OSMR: variants seen among roughly 807,000 people sequenced by gnomAD.
OSMR encodes the protein oncostatin M receptor.
In OSMR, 81 loss-of-function variants were observed where a neutral mutation model predicts 99.9. The ratio of observed to expected loss-of-function variants is 0.81; its 90% CI spans 0.68 to 0.97. The LOEUF (loss-of-function observed/expected upper bound fraction) is 0.97. Ranked by LOEUF, OSMR falls within the 50% of genes least tolerant of loss-of-function variation. The probability of loss-of-function intolerance (pLI) is 0.00; values close to 1 mark genes in which losing one functional copy is unlikely to be tolerated. For synonymous variants in OSMR, 406 were observed against 410.4 expected, an observed-to-expected ratio of 0.99 and a Z score of 0.13; for missense variants, 1,099 against 1,153.4, an observed-to-expected ratio of 0.95 and a Z score of 0.68.
chr5:38,876,505 T>A (rs1742852523), intron 3 of OSMR, 132 bp downstream of exon 3: 1 of 739,576 alleles, frequency 1.4e-6, no homozygotes, highest in African/African-American at 1.8e-5. Flanking sequence ...GTCTAAACAA[T>A]TACATTTCTG....
At chr5:38,886,004 C>T (rs765823571) in intron 6 of OSMR, 35 bp from the exon 7 acceptor site, 23 of 1,609,990 alleles carry the variant, frequency 1.4e-5, no homozygotes, top group East Asian at 2.2e-5. Flanking sequence ...GTAAAAACCT[C>T]GTAATGGTTG....
Position 38,853,967 on chromosome 5 carries a change from G to A in OSMR, c.-14+7580G>A, listed in dbSNP as rs79996443. On this transcript the variant is annotated intron_variant, in intron 1 of 17. Transcript: ENST00000274276. Reference sequence around the variant, plus strand: ...AGGAAGGGAATTGGAGTGAACACTTGTAAGTAATCAACCCTATGCTGTAAG... The same window carrying A: ...AGGAAGGGAATTGGAGTGAACACTTATAAGTAATCAACCCTATGCTGTAAG... 2.2e-4 allele frequency among the ~76,000 whole-genome samples: 33 copies of A among 151,626 alleles called. No homozygotes were observed. The East Asian group carries it at 5.8e-3, about 27-fold the overall frequency.
intron 7 of OSMR, among the ~76,000 whole-genome samples, chr5:38,887,531 A>G (rs1241875361): frequency 1.3e-5 from 2 of 152,162 alleles, no homozygotes; most frequent in African/African-American, 4.8e-5. Flanking sequence ...AGAGTTCTGG[A>G]TTCTTAATTC....
At chr5:38,866,719 G>T (rs940276877) in intron 1 of OSMR, among the ~76,000 whole-genome samples, 2 of 152,110 alleles carry the variant, frequency 1.3e-5, no homozygotes, top group African/African-American at 4.8e-5. Flanking sequence ...GCTGATGAGA[G>T]GGAGGGGGCG....
At chr5:38,944,461 T>G in intron 2 of OSMR, 1 of 1,607,970 alleles carries the variant, frequency 6.2e-7, no homozygotes, top group Non-Finnish European at 8.5e-7. Flanking sequence ...AAGCCCAGTC[T>G]CATGACATTT....
chr5:38,932,236 T>C (rs572930438), intron 16 of OSMR, among the ~76,000 whole-genome samples: 3 of 152,338 alleles, frequency 2.0e-5, no homozygotes, highest in Non-Finnish European at 4.4e-5. Flanking sequence ...TGTTTGGCAA[T>C]GTTCTAAGTG....
chr5:38,902,664 T>C (rs1744971284), intron 7 of OSMR, among the ~76,000 whole-genome samples: 1 of 152,194 alleles, frequency 6.6e-6, no homozygotes, highest in Non-Finnish European at 1.5e-5. Flanking sequence ...AGTGTCCCTT[T>C]ATCCAACAAA....
At chr5:38,860,576 C>A (rs1208862945) in intron 1 of OSMR, among the ~76,000 whole-genome samples, 1 of 151,876 alleles carries the variant, frequency 6.6e-6, no homozygotes. Flanking sequence ...GTAATGTGAG[C>A]CTTGTAGAAT....
At chr5:38,873,137 T>C (rs1742523148) in intron 2 of OSMR, among the ~76,000 whole-genome samples, 1 of 152,254 alleles carries the variant, frequency 6.6e-6, no homozygotes, top group Admixed American at 6.5e-5. Context: ...CAGTCTACTT[T>C]CTGTCTCTAT....
At chr5:38,851,904 C>G (rs1213827205) in intron 1 of OSMR, among the ~76,000 whole-genome samples, 2 of 152,192 alleles carry the variant, frequency 1.3e-5, no homozygotes, top group Admixed American at 6.5e-5. Context: ...ACCACTTTCA[C>G]TTGGCTCTCA....
intron 1 of OSMR, among the ~76,000 whole-genome samples, chr5:38,860,138 T>C (rs1281216329): frequency 6.6e-6 from 1 of 152,254 alleles, no homozygotes; most frequent in African/African-American, 2.4e-5. Context: ...GGCATCCTTT[T>C]CTCATTCCAA....
At chr5:38,886,460 C>T in intron 7 of OSMR, 2 of 722,186 alleles carry the variant, frequency 2.8e-6, no homozygotes, top group Non-Finnish European at 3.9e-6. Flanking sequence ...ATATCTCATC[C>T]TGTAACGCCC....
In OSMR at chr5:38,881,612, T is replaced by G; in HGVS notation, c.266T>G (p.Val89Gly). The change falls in exon 4 of 18, where the codon GTG becomes GGG. Residue 89 changes from valine (V) to glycine (G), a missense_variant. Physicochemically the swap from Val to Gly is moderately radical, Grantham distance 109. Coordinates refer to ENST00000274276, the MANE Select transcript of OSMR (RefSeq NM_003999.3). ...VIWVGNYSTT[V>G]KWNQVLHWSW... is the part of the protein sequence containing the mutation. ...TTTTAGGGGAATTACAGCACCACTG[T>G]GAAGTGGAACCAGGTTCTGCATTGG... The G allele has an allele frequency of 6.2e-7, 1 of 1,614,094 alleles. No individual in the cohort carries two copies. Among genetic ancestry groups the G allele is most frequent in the Non-Finnish European group, 8.5e-7 (1 of 1,179,946 alleles).
At chr5:38,873,289 A>G (rs1742534413) in intron 2 of OSMR, among the ~76,000 whole-genome samples, 2 of 152,254 alleles carry the variant, frequency 1.3e-5, no homozygotes, top group Admixed American at 1.3e-4. Flanking sequence ...ATGGCTGAGT[A>G]ACAGTCCTTC....
chr5:38,944,948 G>A (rs756979979), exon 3 of OSMR: 2 of 1,614,044 alleles, frequency 1.2e-6, no homozygotes, highest in Non-Finnish European at 1.7e-6. Flanking sequence ...GCTGCTAGCT[G>A]AGCCTTCTTG....
intron 1 of OSMR, among the ~76,000 whole-genome samples, chr5:38,853,860 G>A (rs1444603257): frequency 4.6e-5 from 7 of 152,252 alleles, no homozygotes. Context: ...AGGTTCAAGA[G>A]GTGGGGTGTG....
At chr5:38,920,889 T>C (rs973462753) in intron 11 of OSMR, among the ~76,000 whole-genome samples, 5 of 152,216 alleles carry the variant, frequency 3.3e-5, no homozygotes, top group Non-Finnish European at 7.3e-5. Flanking sequence ...TACTTTAACA[T>C]ATAAAATATA....
intron 3 of OSMR, among the ~76,000 whole-genome samples, chr5:38,879,823 C>T (rs1743133670): frequency 6.6e-6 from 1 of 152,022 alleles, no homozygotes. Context: ...GGGGTTTCAC[C>T]ATGTTGGTCA....
rs751473000 is a variant in OSMR, at chr5:38,921,811, A to G, written c.1765+17A>G. The G allele has an allele frequency of 1.6e-5, 26 of 1,584,086 alleles. No homozygotes were observed. The Admixed American group carries it at 2.0e-4, about 12-fold the overall frequency. On this transcript the variant is annotated intron_variant, in intron 12 of 17. Coordinates refer to ENST00000274276, the MANE Select transcript of OSMR (RefSeq NM_003999.3). The stretch of plus-strand genomic sequence containing the variant: ...TTAGCACAGGTAAGAAGAAGCTTCC[A>G]TATCATCGCATTGCTATATTCACCT...
Sources: allele counts gnomAD v4.1 joint callset (sites outside exome capture counted in the v4.1 genomes callset), GRCh38; gene constraint gnomAD v4.1.1; transcripts MANE v1.5; gene names NCBI Gene and HGNC (gene_info 2026-07-23, HGNC 2026-07-21).